KCNH8: variants seen among roughly 807,000 people sequenced by gnomAD.
KCNH8 encodes voltage-gated delayed rectifier potassium channel KCNH8.
Under a neutral mutation model 103.6 loss-of-function variants are expected in KCNH8, and 70 were observed. The observed-to-expected ratio is 0.68, with a 90% CI of 0.56 to 0.82. The LOEUF (loss-of-function observed/expected upper bound fraction) is 0.82, where lower values mean the gene tolerates loss of function less well. Among genes scored for constraint, KCNH8 ranks in the 40% least tolerant of loss-of-function variants. The probability of loss-of-function intolerance (pLI) is 0.00; values close to 1 mark genes in which losing one functional copy is unlikely to be tolerated. For missense variants in KCNH8, 1,217 were observed against 1,329.9 expected, an observed-to-expected ratio of 0.92 and a Z score of 1.32; for synonymous variants, 498 against 489.4, an observed-to-expected ratio of 1.02 and a Z score of -0.23.
chr3:19,485,179 G>T (rs1559350716), intron 11 of KCNH8, among the ~76,000 whole-genome samples: 1 of 152,152 alleles, frequency 6.6e-6, no homozygotes, highest in Non-Finnish European at 1.5e-5. Context: ...CGTAAGGGCA[G>T]TCTAAACCTA....
chr3:19,356,176 C>T (rs1485694521), intron 5 of KCNH8, among the ~76,000 whole-genome samples: 1 of 151,794 alleles, frequency 6.6e-6, no homozygotes, highest in East Asian at 1.9e-4. Context: ...AGAAAGGACC[C>T]ACAGTCAATT....
chr3:19,450,106 C>G lies in KCNH8; in HGVS notation c.1376C>G (p.Ala459Gly). The G allele has an allele frequency of 6.2e-7, 1 of 1,612,866 alleles. No homozygotes were observed. Among genetic ancestry groups the G allele is most frequent in the Non-Finnish European group, 8.5e-7 (1 of 1,179,226 alleles). Reference protein sequence around the residue: ...IFSICTMLIGALMHALVFGNV... With the variant: ...IFSICTMLIGGLMHALVFGNV... ...TTATATACTGTGTTGTTCTTTCTAG[C>G]CTTGATGCACGCCTTGGTGTTTGGA... The change falls in exon 9 of 16, where the codon GCC (alanine) becomes GGC (glycine). Residue 459 changes from alanine (A) to glycine (G), a missense_variant and splice_region_variant. By Grantham distance (60) the Ala-to-Gly change is moderately conservative. Around this residue, in one of 3 missense-constraint regions of KCNH8, gnomAD observed 415 missense variants for 577.4 expected, o/e 0.72. Coordinates refer to ENST00000328405, the MANE Select transcript of KCNH8 (RefSeq NM_144633.3).
At chr3:19,294,723 A>G (rs2125284609) in intron 3 of KCNH8, among the ~76,000 whole-genome samples, 1 of 152,336 alleles carries the variant, frequency 6.6e-6, no homozygotes, top group Admixed American at 6.5e-5. Context: ...ACTAGGGTTC[A>G]TAAACTAAGT....
intron 3 of KCNH8, among the ~76,000 whole-genome samples, chr3:19,338,002 G>A (rs556989330): frequency 2.0e-5 from 3 of 151,662 alleles, no homozygotes; most frequent in Non-Finnish European, 4.4e-5. Flanking sequence ...AGAGAGGCGG[G>A]GGGGGGAGAA....
rs78163900 is a variant in KCNH8 at position 19,471,851 on chromosome 3, A to C, written c.2040+14869A>C. Among the ~76,000 whole-genome samples the C allele has an allele frequency of 8.4e-4, 128 of 152,348 alleles. 1 individual carries two copies. Among genetic ancestry groups the C allele is most frequent in the Middle Eastern group, 3.4e-3 (1 of 294 alleles). On this transcript the variant is annotated intron_variant, in intron 11 of 15. Coordinates refer to ENST00000328405, the MANE Select transcript of KCNH8 (RefSeq NM_144633.3). ...TCCTGTGATTACTGAATGCCAGCTAAGTTAATGGAGCATTCATAGGAAACA... is the reference window on the plus strand; with the variant it reads ...TCCTGTGATTACTGAATGCCAGCTACGTTAATGGAGCATTCATAGGAAACA...
intron 1 of KCNH8, among the ~76,000 whole-genome samples, chr3:19,246,418 A>G (rs574071493): frequency 5.3e-5 from 8 of 151,354 alleles, no homozygotes; most frequent in Admixed American, 2.0e-4. Flanking sequence ...CTGGGACTAC[A>G]GGCACGTGCC....
chr3:19,161,056 GAAT>G (rs2063229380), intron 1 of KCNH8, among the ~76,000 whole-genome samples: 1 of 152,094 alleles, frequency 6.6e-6, no homozygotes. Flanking sequence ...TCCACAGTAT[GAAT>G]AAACCTATCT....
intron 3 of KCNH8, among the ~76,000 whole-genome samples, chr3:19,311,784 G>T (rs2065211905): frequency 6.6e-6 from 1 of 151,984 alleles, no homozygotes; most frequent in South Asian, 2.1e-4. Flanking sequence ...ATGAGATGCG[G>T]ACATACATAC....
At chr3:19,376,861 A>T (rs1302977081) in intron 5 of KCNH8, among the ~76,000 whole-genome samples, 1 of 152,206 alleles carries the variant, frequency 6.6e-6, no homozygotes, top group African/African-American at 2.4e-5. Flanking sequence ...TTTTTGGGAG[A>T]CCAATAGTGA....
intron 2 of KCNH8, among the ~76,000 whole-genome samples, chr3:19,280,773 G>A (rs997023777): frequency 5.1e-4 from 77 of 152,118 alleles, no homozygotes; most frequent in African/African-American, 1.8e-3. Context: ...TGTTGGGCAA[G>A]CTTTGATTTT....
intron 1 of KCNH8, among the ~76,000 whole-genome samples, chr3:19,184,504 G>GA (rs201598018): frequency 7.1e-4 from 108 of 151,960 alleles, no homozygotes; most frequent in East Asian, 3.7e-3. Flanking sequence ...AAGAAAAACT[G>GA]AAAAATCTTA....
rs1559478381 is a variant in KCNH8 at position 19,327,768 on chromosome 3, G to A, written c.443-14819G>A. On this transcript the variant is annotated intron_variant, in intron 3 of 15. Transcript: ENST00000328405. ...CTAATTCAGTATGCCTAGTGGAAAA[G>A]ACACAGGTTTTAGAAACATATAGAC... Among the ~76,000 whole-genome samples, 3 of 152,248 alleles carry A rather than the reference G, an allele frequency of 2.0e-5. No individual in the cohort carries two copies. In the South Asian group the frequency reaches 6.2e-4, roughly 32 times the overall value.
intron 14 of KCNH8, among the ~76,000 whole-genome samples, chr3:19,517,541 G>T (rs1223547057): frequency 1.3e-5 from 2 of 152,004 alleles, no homozygotes; most frequent in African/African-American, 2.4e-5. Context: ...AAGGCAACCT[G>T]CAGTGGATAT....
At chr3:19,391,207 G>C (rs2066432148) in intron 6 of KCNH8, among the ~76,000 whole-genome samples, 1 of 152,090 alleles carries the variant, frequency 6.6e-6, no homozygotes. Context: ...AAACTTGAGA[G>C]TTCTCTTGAA....
At chr3:19,357,668 G>A (rs1166215763) in intron 5 of KCNH8, among the ~76,000 whole-genome samples, 1 of 151,804 alleles carries the variant, frequency 6.6e-6, no homozygotes, top group Non-Finnish European at 1.5e-5. Context: ...GAGAGTCATA[G>A]ATTATGCCAT....
chr3:19,344,651 T>C (rs567923646), intron 4 of KCNH8, among the ~76,000 whole-genome samples: 32 of 152,162 alleles, frequency 2.1e-4, no homozygotes, highest in Non-Finnish European at 2.5e-4. Context: ...AATGGCTAAA[T>C]GGCAGATAGA....
intron 8 of KCNH8, among the ~76,000 whole-genome samples, chr3:19,443,874 CATT>C (rs2125177128): frequency 6.6e-6 from 1 of 151,928 alleles, no homozygotes; most frequent in South Asian, 2.1e-4. Context: ...AATTACAAAA[CATT>C]AGTGAGAAAA....
At chr3:19,460,514 C>G (rs1423593687) in intron 11 of KCNH8, among the ~76,000 whole-genome samples, 1 of 152,146 alleles carries the variant, frequency 6.6e-6, no homozygotes, top group Non-Finnish European at 1.5e-5. Flanking sequence ...CTGAACTTCT[C>G]TGTCTCCTTA....
At chr3:19,283,984 T>C (rs2125276058) in intron 3 of KCNH8, among the ~76,000 whole-genome samples, 1 of 151,408 alleles carries the variant, frequency 6.6e-6, no homozygotes, top group South Asian at 2.1e-4. Flanking sequence ...AAAATATTTT[T>C]ACCTGCCCTT....
Sources: gnomAD v4.1 joint callset for allele counts (sites outside exome capture counted in the v4.1 genomes callset) on GRCh38, gnomAD v4.1.1 for gene constraint, gnomAD v4.1.1 regional missense constraint, MANE v1.5 for transcripts, NCBI Gene and HGNC (gene_info 2026-07-23, HGNC 2026-07-21) for gene names.